The following FBXL4 variants were observed in gnomAD, a reference collection of about 807,000 sequenced individuals.
FBXL4 encodes F-box and leucine rich repeat protein 4.
In FBXL4, 40 loss-of-function variants were observed where a neutral mutation model predicts 58.9. That is an observed-to-expected ratio of 0.68 (90% CI 0.53 to 0.88). FBXL4 has a LOEUF of 0.88. Among genes scored for constraint, FBXL4 ranks in the 40% least tolerant of loss-of-function variants. FBXL4 has a pLI of 0.00. For synonymous variants in FBXL4, 263 were observed against 265.5 expected, an observed-to-expected ratio of 0.99 and a Z score of 0.09; for missense variants, 676 against 734.4, an observed-to-expected ratio of 0.92 and a Z score of 0.92.
rs1562213163 is a variant in FBXL4 at position 98,874,452 on chromosome 6, G to GAAACAA, written c.1703-17_1703-12dup. ...TTACCATTCTTGTTCCTATTTAAGGGAAACAAAACAAAACAAAACAAAACA... is the reference window on the plus strand; with the variant it reads ...TTACCATTCTTGTTCCTATTTAAGGGAAACAAAAACAAAACAAAACAAAACAAAACA... On this transcript the variant is annotated splice_polypyrimidine_tract_variant and intron_variant, in intron 9 of 9. Transcript: ENST00000369244. 6.3e-7 allele frequency: 1 copy of GAAACAA among 1,595,008 alleles called. No individual in the cohort carries two copies.
chr6:98,924,548 C>A (rs184469570), intron 4 of FBXL4, among the ~76,000 whole-genome samples: 84 of 152,238 alleles, frequency 5.5e-4, no homozygotes, highest in African/African-American at 1.9e-3. Context: ...CAGAGTGAGA[C>A]CCTGTCTCAA....
intron 2 of FBXL4, among the ~76,000 whole-genome samples, chr6:98,932,887 A>G (rs1251975376): frequency 6.6e-6 from 1 of 151,916 alleles, no homozygotes; most frequent in Non-Finnish European, 1.5e-5. Flanking sequence ...AAGAGCCCAC[A>G]GAGACATGTC....
At chr6:98,879,561 C>T (rs181634860) in intron 8 of FBXL4, among the ~76,000 whole-genome samples, 60 of 152,230 alleles carry the variant, frequency 3.9e-4, no homozygotes, top group Admixed American at 1.8e-3. Context: ...TGAGCTCTTT[C>T]AAGGGCACAT....
chr6:98,885,044 A>C (rs1340690656), intron 7 of FBXL4, among the ~76,000 whole-genome samples: 2 of 152,184 alleles, frequency 1.3e-5, no homozygotes, highest in African/African-American at 4.8e-5. Context: ...ATGATGGTTA[A>C]TTTTATGTAT....
intron 7 of FBXL4, among the ~76,000 whole-genome samples, chr6:98,891,492 G>A (rs1163245428): frequency 6.6e-6 from 1 of 151,994 alleles, no homozygotes; most frequent in Non-Finnish European, 1.5e-5. Context: ...TCACTGTATT[G>A]GATCTTTCCT....
At position 98,869,166 on chromosome 6, in the gene FBXL4, T is replaced by C. The variant is rs911364165; in HGVS notation, c.*5112A>G. 2 of 152,338 alleles carry C rather than the reference T, an allele frequency of 1.3e-5. No individual in the cohort carries two copies. The highest frequency in any genetic ancestry group is 3.9e-4 in the East Asian group (2 of 5,188). The allele number at this position is 152,338 out of a possible 1,614,324, so 9.4% of individuals were successfully genotyped here. A position where few individuals can be genotyped will look rare whatever the true frequency, so the allele number is the denominator to read the frequency against. ...CAGTTAATGGTCATTGACAAGATTT[T>C]AAGGGTAGTTAAAAAAGTTTCTCTG... On this transcript the variant is annotated 3_prime_UTR_variant, in exon 10 of 10. Transcript: ENST00000369244.
rs1471560857 is a variant in FBXL4, at chr6:98,872,158, G to C, written c.*2120C>G. 1 of 152,166 alleles carries C rather than the reference G, an allele frequency of 6.6e-6. No homozygotes were observed. Among genetic ancestry groups the C allele is most frequent in the Non-Finnish European group, 1.5e-5 (1 of 68,024 alleles). The allele number at this position is 152,166 out of a possible 1,614,324, so 9.4% of individuals were successfully genotyped here. On this transcript the variant is annotated 3_prime_UTR_variant, in exon 10 of 10. Coordinates refer to ENST00000369244, the MANE Select transcript of FBXL4 (RefSeq NM_001278716.2). ...ATTTGTAGCTCACACCATAGTGCCT[G>C]CAGTATTTTTTGGAGTTTGCAAATG...
intron 7 of FBXL4, chr6:98,899,009 ATTTT>A: frequency 1.0e-6 from 1 of 985,158 alleles, no homozygotes; most frequent in South Asian, 4.7e-5. Context: ...ACCAACGCTT[ATTTT>A]TTTTCCTGGG....
chr6:98,917,729 A>G lies in FBXL4; in HGVS notation c.513-10T>C. On this transcript the variant is annotated splice_polypyrimidine_tract_variant and intron_variant, in intron 4 of 9. Transcript: ENST00000369244. ...CCAAAGAATCTCCCATCTGCCAAAA[A>G]AAGAAACTTCCCTATAATACAGTTT... is the stretch of plus-strand genomic sequence containing the variant. 1 of 1,573,138 alleles carries G rather than the reference A, an allele frequency of 6.4e-7. No individual in the cohort carries two copies. Among genetic ancestry groups the G allele is most frequent in the Non-Finnish European group, 8.6e-7 (1 of 1,162,458 alleles).
At chr6:98,909,576 G>A (rs1208535025) in intron 5 of FBXL4, among the ~76,000 whole-genome samples, 2 of 152,282 alleles carry the variant, frequency 1.3e-5, no homozygotes, top group Non-Finnish European at 2.9e-5. Context: ...TGTTTAAAAT[G>A]TATTTGCTGA....
chr6:98,896,711 A>C lies in FBXL4; in HGVS notation c.1317+2557T>G, dbSNP rs991330053. On this transcript the variant is annotated intron_variant, in intron 7 of 9. Transcript: ENST00000369244. The stretch of plus-strand genomic sequence containing the variant: ...TATTTTACCAGATGAGCCAATAAAA[A>C]AAATTTAATAGGAAGTAACAGAGGG... 11 of 833,128 alleles carry C rather than the reference A, an allele frequency of 1.3e-5. No individual in the cohort carries two copies. The African/African-American group carries it at 1.9e-4, about 14-fold the overall frequency. The allele number at this position is 833,128 out of a possible 1,614,324, so 51.6% of individuals were successfully genotyped here.
At chr6:98,914,076 T>A (rs976238104) in intron 5 of FBXL4, among the ~76,000 whole-genome samples, 1 of 152,138 alleles carries the variant, frequency 6.6e-6, no homozygotes, top group South Asian at 2.1e-4. Flanking sequence ...AAGAAATGGA[T>A]AAATTCCTCG....
chr6:98,904,530 A>G (rs1771725917), intron 6 of FBXL4, among the ~76,000 whole-genome samples: 4 of 152,190 alleles, frequency 2.6e-5, no homozygotes, highest in Non-Finnish European at 4.4e-5. Flanking sequence ...TGAGGAAACA[A>G]GGCTCCACAT....
chr6:98,947,731 G>C (rs1279459947), intron 1 of FBXL4, 75 bp downstream of exon 1: 1 of 151,248 alleles, frequency 6.6e-6, no homozygotes, highest in Admixed American at 6.6e-5. Context: ...GCGCTGGCTC[G>C]GCCCCGGCCC....
At chr6:98,886,362 C>T (rs1192759917) in intron 7 of FBXL4, among the ~76,000 whole-genome samples, 1 of 151,920 alleles carries the variant, frequency 6.6e-6, no homozygotes, top group East Asian at 1.9e-4. Flanking sequence ...TCTGACATAC[C>T]TTTTAGAAAT....
chr6:98,929,064 A>G (rs926944049), intron 2 of FBXL4, among the ~76,000 whole-genome samples: 1 of 152,226 alleles, frequency 6.6e-6, no homozygotes, highest in Non-Finnish European at 1.5e-5. Context: ...CACAGTACAT[A>G]ATAGGCACAA....
chr6:98,926,618 T>C lies in FBXL4; in HGVS notation c.371A>G (p.Gln124Arg), dbSNP rs370408625. The change falls in exon 4 of 10, where the codon CAG becomes CGG. Residue 124 changes from glutamine to arginine, a missense_variant. Physicochemically the swap from Gln to Arg is conservative, Grantham distance 43. Coordinates refer to ENST00000369244, the MANE Select transcript of FBXL4 (RefSeq NM_001278716.2). ...TTCAAAAGTAAGTTCCACATAGTCC[T>C]GGCTCTGAAAATTAGGTGGCGTCCT... Reference protein sequence around the residue: ...FKRTPPNFQSQDYVELTFEQQ... With the variant: ...FKRTPPNFQSRDYVELTFEQQ... 1.2e-6 allele frequency: 2 copies of C among 1,614,078 alleles called. No homozygotes were observed. Among genetic ancestry groups the C allele is most frequent in the African/African-American group, 2.7e-5 (2 of 74,920 alleles).
chr6:98,890,905 C>T lies in FBXL4; in HGVS notation c.1317+8363G>A, dbSNP rs9385554. Among the ~76,000 whole-genome samples the T allele has an allele frequency of 3.0e-3, 451 of 151,212 alleles. 13 individuals carry two copies. In the East Asian group the frequency reaches 0.069, roughly 23 times the overall value. ...CTGCACTACAGCCTGGGCATCACAG[C>T]GAGACTCCATTTCAAAAACAAAAAA... On this transcript the variant is annotated intron_variant, in intron 7 of 9. Transcript: ENST00000369244.
At chr6:98,915,805 C>A (rs1192240634) in intron 5 of FBXL4, among the ~76,000 whole-genome samples, 1 of 151,598 alleles carries the variant, frequency 6.6e-6, no homozygotes, top group Non-Finnish European at 1.5e-5. Context: ...GCAACAAAAG[C>A]CAAAATTGAC....
Sources: allele counts gnomAD v4.1 joint callset (sites outside exome capture counted in the v4.1 genomes callset), GRCh38; gene constraint gnomAD v4.1.1; transcripts MANE v1.5; gene names NCBI Gene and HGNC (gene_info 2026-07-23, HGNC 2026-07-21).